NXPE3: variants seen among roughly 807,000 people sequenced by gnomAD.
NXPE3 encodes the protein NXPE family member 3.
In NXPE3, 26 loss-of-function variants were observed where a neutral mutation model predicts 46.1. The observed-to-expected ratio is 0.56, with a 90% CI of 0.41 to 0.78. NXPE3 has a LOEUF of 0.78. Among genes scored for constraint, NXPE3 ranks in the 30% least tolerant of loss-of-function variants. NXPE3 has a pLI of 0.00. For synonymous variants in NXPE3, 272 were observed against 257.9 expected (o/e 1.05, Z -0.52); for missense variants, 620 against 686.0 (o/e 0.90, Z 1.07).
intron 6 of NXPE3, among the ~76,000 whole-genome samples, chr3:101,811,454 G>T (rs934868910): frequency 2.6e-5 from 4 of 152,120 alleles, no homozygotes; most frequent in African/African-American, 4.8e-5. Flanking sequence ...ATAACTAGTA[G>T]TTGACCCATT....
chr3:101,791,918 G>A lies in NXPE3; in HGVS notation c.93+6229G>A, dbSNP rs569538710. On this transcript the variant is annotated intron_variant, in intron 4 of 7. Coordinates refer to ENST00000273347, the MANE Select transcript of NXPE3 (RefSeq NM_145037.4). ...TTACGCTCACACCAACACTGTATAA[G>A]TGTTCCCTTTCCTCTTCAACATTGC... 3.3e-5 allele frequency among the ~76,000 whole-genome samples: 5 copies of A among 152,306 alleles called. No homozygotes were observed. The East Asian group carries it at 9.6e-4, about 29-fold the overall frequency.
intron 4 of NXPE3, among the ~76,000 whole-genome samples, chr3:101,791,990 G>A (rs959577049): frequency 1.3e-5 from 2 of 152,030 alleles, no homozygotes; most frequent in Non-Finnish European, 2.9e-5. Flanking sequence ...ATTCTGACTG[G>A]TGTGAGATCT....
intron 4 of NXPE3, among the ~76,000 whole-genome samples, chr3:101,790,201 T>C (rs922002532): frequency 1.3e-5 from 2 of 152,238 alleles, no homozygotes; most frequent in Non-Finnish European, 2.9e-5. Flanking sequence ...GCATTCTGCT[T>C]TTATTGCATG....
intron 5 of NXPE3, among the ~76,000 whole-genome samples, chr3:101,802,417 A>AGGTTGCAGTGAGCTGTGATCACAATT (rs1560051853): frequency 1.3e-5 from 2 of 152,032 alleles, no homozygotes; most frequent in African/African-American, 4.8e-5. Flanking sequence ...CAGGAGTTTG[A>AGGTTGCAGTGAGCTGTGATCACAATT]GACCAGCCTG....
intron 6 of NXPE3, among the ~76,000 whole-genome samples, chr3:101,815,422 G>C (rs1482660488): frequency 6.6e-6 from 1 of 152,222 alleles, no homozygotes; most frequent in Non-Finnish European, 1.5e-5. Context: ...ATACTACTCT[G>C]TATGTGTAAA....
At chr3:101,802,563 C>T (rs549032217) in intron 5 of NXPE3, among the ~76,000 whole-genome samples, 1 of 151,928 alleles carries the variant, frequency 6.6e-6, no homozygotes, top group Admixed American at 6.6e-5. Flanking sequence ...AACATAATAA[C>T]AGTTTTTAAA....
At chr3:101,820,952 A>G (rs1942219502) in intron 7 of NXPE3, among the ~76,000 whole-genome samples, 1 of 152,318 alleles carries the variant, frequency 6.6e-6, no homozygotes, top group Middle Eastern at 3.4e-3. Context: ...TGATGAAATA[A>G]TATGTGACAC....
chr3:101,812,203 A>C (rs763679845), intron 6 of NXPE3, among the ~76,000 whole-genome samples: 21 of 152,222 alleles, frequency 1.4e-4, no homozygotes, highest in South Asian at 2.1e-4. Context: ...GGACAAAGCT[A>C]TTTTATTTTT....
chr3:101,810,997 T>G (rs1941682046), intron 6 of NXPE3, among the ~76,000 whole-genome samples: 1 of 152,134 alleles, frequency 6.6e-6, no homozygotes, highest in African/African-American at 2.4e-5. Context: ...TTTTTCTGTT[T>G]TTAGTAGAGA....
chr3:101,779,399 T>A (rs79938275), intron 1 of NXPE3, 75 bp downstream of exon 1: 2 of 152,728 alleles, frequency 1.3e-5, no homozygotes, highest in Admixed American at 6.5e-5. Context: ...TGCCCGGCTC[T>A]GCCAGCGCGC....
intron 5 of NXPE3, 39 bp downstream of exon 5, chr3:101,802,028 C>A: frequency 6.5e-7 from 1 of 1,544,262 alleles, no homozygotes; most frequent in Middle Eastern, 1.7e-4. Context: ...TTGAAGAGTT[C>A]TTTTCCACTG....
At chr3:101,821,110 T>C (rs1164632919) in intron 7 of NXPE3, among the ~76,000 whole-genome samples, 1 of 152,018 alleles carries the variant, frequency 6.6e-6, no homozygotes, top group East Asian at 1.9e-4. Flanking sequence ...GAAAAATGGG[T>C]TATTTTGTTT....
At chr3:101,789,398 T>C (rs376007384) in intron 4 of NXPE3, among the ~76,000 whole-genome samples, 2 of 151,868 alleles carry the variant, frequency 1.3e-5, no homozygotes, top group Non-Finnish European at 2.9e-5. Context: ...TTTGAAAAAT[T>C]AGGTGAGTGT....
chr3:101,781,366 G>T (rs1044424846), intron 1 of NXPE3, among the ~76,000 whole-genome samples: 64 of 152,174 alleles, frequency 4.2e-4, no homozygotes, highest in African/African-American at 1.5e-3. Flanking sequence ...GTTTAATATT[G>T]AACTCAGGAA....
chr3:101,802,150 A>G (rs772776829), intron 5 of NXPE3, among the ~76,000 whole-genome samples, 161 bp downstream of exon 5: 3 of 152,008 alleles, frequency 2.0e-5, no homozygotes, highest in Non-Finnish European at 4.4e-5. Flanking sequence ...ATAGATTTGT[A>G]TTTTTCATTA....
intron 5 of NXPE3, among the ~76,000 whole-genome samples, chr3:101,806,741 G>A (rs1365290237): frequency 6.6e-6 from 1 of 152,170 alleles, no homozygotes; most frequent in Non-Finnish European, 1.5e-5. Flanking sequence ...TTGTCAGTGT[G>A]AGCCATTCTC....
At chr3:101,784,269 A>G (rs1025200554) in intron 3 of NXPE3, among the ~76,000 whole-genome samples, 5 of 152,220 alleles carry the variant, frequency 3.3e-5, no homozygotes, top group African/African-American at 1.2e-4. Flanking sequence ...AGAGATAAGA[A>G]ATACAAATAG....
rs1009882535 is a variant in NXPE3, at chr3:101,821,439, G to A, written c.1165G>A (p.Val389Met). The A allele has an allele frequency of 1.9e-6, 3 of 1,614,024 alleles. No homozygotes were observed. Among genetic ancestry groups the A allele is most frequent in the Non-Finnish European group, 2.5e-6 (3 of 1,180,012 alleles). The change falls in exon 8 of 8, where the codon GTG (valine) becomes ATG (methionine). Residue 389 changes from valine (V) to methionine (M), a missense_variant. By Grantham distance (21) the Val-to-Met change is conservative. Around this residue, in one of 3 missense-constraint regions of NXPE3, gnomAD observed 511 missense variants for 528.6 expected, o/e 0.97. Transcript: ENST00000273347. ...GTTTAACTTGGGTAGTCCCAAGAAT[G>A]TGGGTCCCTTCCTTGCAGTGGACCA... ...VEFNLGSPKN[V>M]GPFLAVDQKH...
At chr3:101,814,580 A>G (rs906105710) in intron 6 of NXPE3, among the ~76,000 whole-genome samples, 3 of 152,240 alleles carry the variant, frequency 2.0e-5, no homozygotes, top group African/African-American at 7.2e-5. Flanking sequence ...TGTCAAGTCA[A>G]ATAAGCTAAA....
Sources: allele counts gnomAD v4.1 joint callset (sites outside exome capture counted in the v4.1 genomes callset), GRCh38; gene constraint gnomAD v4.1.1; regional missense constraint gnomAD v4.1.1; transcripts MANE v1.5; gene names NCBI Gene and HGNC (gene_info 2026-07-23, HGNC 2026-07-21).